The following MCPH1 variants were observed in gnomAD, a reference collection of about 807,000 sequenced individuals.
The protein encoded by MCPH1 is microcephalin.
MCPH1 carries 104 observed loss-of-function variants against 84.5 expected under a neutral mutation model. That is an observed-to-expected ratio of 1.23 (90% CI 1.05 to 1.45). MCPH1 has a LOEUF of 1.45. Among genes scored for constraint, MCPH1 ranks in the 40% most tolerant of loss-of-function variants. The pLI is 0.00. For synonymous variants in MCPH1, 514 were observed against 366.8 expected (o/e 1.40, Z -4.58); for missense variants, 1,498 against 1,005.7 (o/e 1.49, Z -6.62).
Position 6,640,321 on chromosome 8 carries a change from G to A in MCPH1, c.2453-2673G>A, listed in dbSNP as rs183836077. On this transcript the variant is annotated intron_variant, in intron 13 of 13. Coordinates refer to ENST00000344683, the MANE Select transcript of MCPH1 (RefSeq NM_024596.5). ...GCAGCAATTTACACTATTACTAACG[G>A]TACATAAAGTCCTATTTCCTATGTC... Among the ~76,000 whole-genome samples the A allele has an allele frequency of 3.3e-5, 5 of 152,062 alleles. No homozygotes were observed. The South Asian group carries it at 8.3e-4, about 25-fold the overall frequency.
chr8:6,612,141 T>C (rs1303630381), intron 12 of MCPH1, among the ~76,000 whole-genome samples: 1 of 152,196 alleles, frequency 6.6e-6, no homozygotes, highest in Non-Finnish European at 1.5e-5. Flanking sequence ...AAGGACGTTC[T>C]TCTGCATCGC....
intron 12 of MCPH1, among the ~76,000 whole-genome samples, chr8:6,510,098 G>T (rs116951190): frequency 1.3e-5 from 2 of 152,086 alleles, no homozygotes; most frequent in Non-Finnish European, 2.9e-5. Flanking sequence ...TCGGTCATCT[G>T]TGTACCAGCA....
At chr8:6,633,741 A>G (rs1797332576) in intron 13 of MCPH1, among the ~76,000 whole-genome samples, 1 of 152,226 alleles carries the variant, frequency 6.6e-6, no homozygotes, top group African/African-American at 2.4e-5. Context: ...CACCCAACGC[A>G]GATTCCCCAC....
At chr8:6,561,340 T>C (rs2129575803) in intron 12 of MCPH1, among the ~76,000 whole-genome samples, 1 of 152,372 alleles carries the variant, frequency 6.6e-6, no homozygotes, top group Admixed American at 6.5e-5. Flanking sequence ...TGACTCCTCT[T>C]GACACAGTAA....
intron 12 of MCPH1, among the ~76,000 whole-genome samples, chr8:6,594,802 T>C (rs540831797): frequency 2.0e-5 from 3 of 152,170 alleles, no homozygotes; most frequent in African/African-American, 7.2e-5. Flanking sequence ...CATACATATG[T>C]CAGAATCTAA....
chr8:6,565,556 G>C (rs1195079086), intron 12 of MCPH1, among the ~76,000 whole-genome samples: 1 of 152,096 alleles, frequency 6.6e-6, no homozygotes, highest in Non-Finnish European at 1.5e-5. Flanking sequence ...CACTGTACCT[G>C]GCCTGCATAT....
chr8:6,570,856 A>C (rs1295765274), intron 12 of MCPH1, among the ~76,000 whole-genome samples: 2 of 139,692 alleles, frequency 1.4e-5, no homozygotes, highest in African/African-American at 5.4e-5. Flanking sequence ...CGAATCTTTC[A>C]CAGTTTGTAC....
rs77187332 is a variant in MCPH1 at position 6,449,086 on chromosome 8, T to G, written c.1825+3539T>G. Reference sequence around the variant, plus strand: ...TTGCAAATGTTTATTAAGGCTGATTTGTAATAAGATAGATTTTACGTATTT... The same window carrying G: ...TTGCAAATGTTTATTAAGGCTGATTGGTAATAAGATAGATTTTACGTATTT... On this transcript the variant is annotated intron_variant, in intron 8 of 13. Transcript: ENST00000344683. Among the ~76,000 whole-genome samples the G allele has an allele frequency of 3.5e-4, 54 of 152,358 alleles. No individual in the cohort carries two copies. The East Asian group carries it at 9.5e-3, about 27-fold the overall frequency.
rs150416680 is a variant in MCPH1 at position 6,519,798 on chromosome 8, G to A, written c.2214+19869G>A. On this transcript the variant is annotated intron_variant, in intron 12 of 13. Transcript: ENST00000344683. ...TTTGGGGAGAGACTTCTGCTCTCTGGTTCCTCACTCACTAAAGTGGCCTGC... is the reference window on the plus strand; with the variant it reads ...TTTGGGGAGAGACTTCTGCTCTCTGATTCCTCACTCACTAAAGTGGCCTGC... 859 of 1,569,752 alleles carry A rather than the reference G, an allele frequency of 5.5e-4. 6 individuals are homozygous for A. The East Asian group carries it at 0.017, about 30-fold the overall frequency.
intron 12 of MCPH1, among the ~76,000 whole-genome samples, chr8:6,571,409 A>T (rs926556491): frequency 7.9e-5 from 12 of 152,174 alleles, no homozygotes; most frequent in Non-Finnish European, 7.4e-5. Context: ...AATGTTCCCA[A>T]ATCCATTTCA....
chr8:6,414,530 T>C (rs1798983556), intron 2 of MCPH1, among the ~76,000 whole-genome samples: 2 of 152,238 alleles, frequency 1.3e-5, no homozygotes, highest in Non-Finnish European at 2.9e-5. Flanking sequence ...GCTCCAACTC[T>C]ATTCTTTCAG....
rs201429096 is a variant in MCPH1, at chr8:6,534,201, A to AT, written c.2214+34276dup. Among the ~76,000 whole-genome samples, 7 of 151,212 alleles carry AT rather than the reference A, an allele frequency of 4.6e-5. No homozygotes were observed. The South Asian group carries it at 1.5e-3, about 32-fold the overall frequency. ...ACGGGTTCAACCACACCATCAATAT[A>AT]TTTTAAAAAAAAAATAACAATACAA... On this transcript the variant is annotated intron_variant, in intron 12 of 13. Transcript: ENST00000344683.
chr8:6,557,771 C>T (rs73507187), intron 12 of MCPH1, among the ~76,000 whole-genome samples: 4,439 of 151,704 alleles, frequency 0.029, 156 homozygotes, highest in African/African-American at 0.083. Context: ...CATTAAGTAC[C>T]GTAAACATCC....
intron 12 of MCPH1, among the ~76,000 whole-genome samples, chr8:6,601,502 AC>A (rs1269464619): frequency 3.4e-5 from 5 of 146,148 alleles, no homozygotes; most frequent in African/African-American, 1.3e-4. Context: ...GACACCCCCT[AC>A]CTGTCCTCCA....
intron 12 of MCPH1, among the ~76,000 whole-genome samples, chr8:6,542,597 CT>C (rs60919622): frequency 0.19 from 28,633 of 150,318 alleles, 2,819 homozygotes; most frequent in Non-Finnish European, 0.22. Context: ...CTATTCTTAT[CT>C]TAAAAAAAAA....
intron 8 of MCPH1, chr8:6,447,146 G>A (rs1427809875): frequency 1.0e-6 from 1 of 985,416 alleles, no homozygotes; most frequent in East Asian, 1.1e-4. Flanking sequence ...AGACCTACAT[G>A]TTGGCTAGCC....
chr8:6,566,204 A>T (rs1826137404), intron 12 of MCPH1, among the ~76,000 whole-genome samples: 1 of 152,234 alleles, frequency 6.6e-6, no homozygotes, highest in Admixed American at 6.5e-5. Flanking sequence ...TTAAAAGTTT[A>T]AAAACCATTC....
At chr8:6,556,665 G>A (rs969583639) in intron 12 of MCPH1, among the ~76,000 whole-genome samples, 1 of 151,902 alleles carries the variant, frequency 6.6e-6, no homozygotes, top group African/African-American at 2.4e-5. Flanking sequence ...CCAGGCTGGA[G>A]CGCAATGGCA....
intron 11 of MCPH1, among the ~76,000 whole-genome samples, chr8:6,497,623 T>C (rs1181693906): frequency 2.0e-5 from 3 of 152,194 alleles, no homozygotes; most frequent in Non-Finnish European, 2.9e-5. Context: ...CTGTGGACTT[T>C]GGGTGATAAT....
Sources: gnomAD v4.1 joint callset for allele counts (sites outside exome capture counted in the v4.1 genomes callset) on GRCh38, gnomAD v4.1.1 for gene constraint, MANE v1.5 for transcripts, NCBI Gene and HGNC (gene_info 2026-07-23, HGNC 2026-07-21) for gene names.